Variants in CA10 observed in about 807,000 individuals in gnomAD.
CA10 encodes the protein carbonic anhydrase 10 (inactive), also known as carbonic anhydrase-related protein 10.
CA10 carries 14 observed loss-of-function variants against 44.2 expected under a neutral mutation model. The observed-to-expected ratio is 0.32, with a 90% CI of 0.21 to 0.50. The LOEUF (loss-of-function observed/expected upper bound fraction) is 0.50, where lower values mean the gene tolerates loss of function less well. Ranked by LOEUF, CA10 falls within the 20% of genes least tolerant of loss-of-function variation. The pLI, the probability that CA10 is intolerant of heterozygous loss-of-function variation, is 0.99. For missense variants in CA10, 350 were observed against 409.7 expected, an observed-to-expected ratio of 0.85 and a Z score of 1.26; for synonymous variants, 159 against 141.6, an observed-to-expected ratio of 1.12 and a Z score of -0.87.
intron 3 of CA10, among the ~76,000 whole-genome samples, chr17:51,829,659 T>C (rs1182446914): frequency 6.6e-6 from 1 of 152,172 alleles, no homozygotes. Context: ...TTCTTTAGCA[T>C]AGCAGCATTT....
At chr17:51,895,214 G>A (rs933357755) in intron 3 of CA10, among the ~76,000 whole-genome samples, 1 of 151,920 alleles carries the variant, frequency 6.6e-6, no homozygotes, top group African/African-American at 2.4e-5. Flanking sequence ...TGGTAGAAAT[G>A]GAATTAAAAG....
intron 3 of CA10, among the ~76,000 whole-genome samples, chr17:51,873,859 C>T (rs1380288700): frequency 2.0e-5 from 3 of 152,128 alleles, no homozygotes; most frequent in African/African-American, 7.2e-5. Context: ...CCTAAAATGA[C>T]CAAAAACGTG....
At chr17:51,706,559 C>A (rs1218768624) in intron 4 of CA10, among the ~76,000 whole-genome samples, 1 of 152,218 alleles carries the variant, frequency 6.6e-6, no homozygotes, top group African/African-American at 2.4e-5. Context: ...CCTGCCGGGG[C>A]CTTTGCCCCC....
chr17:51,689,904 C>A (rs952267984), intron 4 of CA10, among the ~76,000 whole-genome samples: 1 of 151,512 alleles, frequency 6.6e-6, no homozygotes, highest in Non-Finnish European at 1.5e-5. Context: ...ATATGCATTA[C>A]TTTGTATACT....
intron 1 of CA10, among the ~76,000 whole-genome samples, chr17:52,089,327 G>A (rs1039683171): frequency 3.3e-5 from 5 of 152,168 alleles, no homozygotes; most frequent in Non-Finnish European, 5.9e-5. Flanking sequence ...AGGGACCAAG[G>A]GTGGGCTGGC....
chr17:52,159,088 G>T (rs1453398812), upstream of CA10, among the ~76,000 whole-genome samples: 1 of 152,188 alleles, frequency 6.6e-6, no homozygotes, highest in African/African-American at 2.4e-5. Flanking sequence ...AAAGAACTTC[G>T]TGCTGCGGGT....
intron 4 of CA10, among the ~76,000 whole-genome samples, chr17:51,732,033 T>C (rs1387900597): frequency 6.6e-6 from 1 of 152,182 alleles, no homozygotes; most frequent in Non-Finnish European, 1.5e-5. Context: ...TCATTATTAT[T>C]ATTATTACCA....
rs1294257373 is a variant in CA10, at chr17:51,806,694, G to A, written c.280-58876C>T. Among the ~76,000 whole-genome samples the A allele has an allele frequency of 3.3e-5, 5 of 152,176 alleles. No homozygotes were observed. The South Asian group carries it at 6.2e-4, about 19-fold the overall frequency. On this transcript the variant is annotated intron_variant, in intron 3 of 8. Transcript: ENST00000451037. ...ATGTTTTGAATCCCCACAACAAGAA[G>A]CATAATTTAATGTACAAAATAGGCA...
At chr17:52,101,998 T>G (rs748109307) in intron 1 of CA10, among the ~76,000 whole-genome samples, 150 of 152,160 alleles carry the variant, frequency 9.9e-4, no homozygotes, top group Non-Finnish European at 1.9e-3. Flanking sequence ...AAGGATATTT[T>G]GGAGTGCATA....
intron 4 of CA10, among the ~76,000 whole-genome samples, chr17:51,744,941 T>C (rs1378948189): frequency 6.6e-6 from 1 of 152,188 alleles, no homozygotes; most frequent in Admixed American, 6.5e-5. Flanking sequence ...TATAGACCCC[T>C]GACATTGAGA....
At chr17:51,662,713 T>A (rs558865418) in intron 4 of CA10, among the ~76,000 whole-genome samples, 1 of 152,202 alleles carries the variant, frequency 6.6e-6, no homozygotes, top group Non-Finnish European at 1.5e-5. Flanking sequence ...GTCTGTCCGG[T>A]GATGAGATTT....
rs144706620 is a variant in CA10 at position 51,742,983 on chromosome 17, A to T, written c.465+4650T>A. On this transcript the variant is annotated intron_variant, in intron 4 of 8. Coordinates refer to ENST00000451037, the MANE Select transcript of CA10 (RefSeq NM_020178.5). ...ACATTATGTGGTATTATCAATATAC[A>T]TCCCTCAATAGACTTTACACATCTG... Among the ~76,000 whole-genome samples, 298 of 152,334 alleles carry T rather than the reference A, an allele frequency of 2.0e-3. 1 individual carries two copies. Among genetic ancestry groups the T allele is most frequent in the African/African-American group, 6.9e-3 (285 of 41,584 alleles).
chr17:51,823,653 T>C (rs575566467), intron 3 of CA10, among the ~76,000 whole-genome samples: 20 of 152,294 alleles, frequency 1.3e-4, no homozygotes, highest in African/African-American at 4.6e-4. Context: ...CAGTGGATGA[T>C]GACAACTCTT....
Position 51,717,312 on chromosome 17 carries a change from G to A in CA10, c.465+30321C>T, listed in dbSNP as rs146444589. 2.1e-3 allele frequency among the ~76,000 whole-genome samples: 318 copies of A among 152,006 alleles called. 1 individual carries two copies. Among genetic ancestry groups the A allele is most frequent in the African/African-American group, 7.3e-3 (304 of 41,434 alleles). On this transcript the variant is annotated intron_variant, in intron 4 of 8. Coordinates refer to ENST00000451037, the MANE Select transcript of CA10 (RefSeq NM_020178.5). Reference sequence around the variant, plus strand: ...TTTTGTTCTAATGAGATGACTCTTGGTGGGCACCTGGCTAGCCCAACATTG... The same window carrying A: ...TTTTGTTCTAATGAGATGACTCTTGATGGGCACCTGGCTAGCCCAACATTG...
chr17:52,091,702 G>A (rs901127187), intron 1 of CA10, among the ~76,000 whole-genome samples: 2 of 152,188 alleles, frequency 1.3e-5, no homozygotes, highest in African/African-American at 4.8e-5. Flanking sequence ...TTGATTTGCA[G>A]TTGTACAAGA....
At chr17:51,709,502 C>T (rs1032424217) in intron 4 of CA10, among the ~76,000 whole-genome samples, 2 of 152,166 alleles carry the variant, frequency 1.3e-5, no homozygotes, top group African/African-American at 4.8e-5. Flanking sequence ...CTTTGAAGTG[C>T]ATTCATATCA....
At chr17:52,139,190 A>C (rs952095632) in intron 1 of CA10, among the ~76,000 whole-genome samples, 3 of 152,206 alleles carry the variant, frequency 2.0e-5, no homozygotes, top group African/African-American at 7.2e-5. Flanking sequence ...ATTCAGATAG[A>C]ATTCTGTTTG....
intron 3 of CA10, among the ~76,000 whole-genome samples, chr17:51,870,010 C>T (rs1979729884): frequency 6.6e-6 from 1 of 152,208 alleles, no homozygotes; most frequent in Non-Finnish European, 1.5e-5. Context: ...AGCCAATCCT[C>T]AGACCTTCCT....
At chr17:51,972,117 G>A (rs1352587231) in intron 2 of CA10, among the ~76,000 whole-genome samples, 1 of 152,008 alleles carries the variant, frequency 6.6e-6, no homozygotes, top group African/African-American at 2.4e-5. Context: ...AATGTGATAT[G>A]TGAGTTATAT....
Sources: gnomAD v4.1 joint callset for allele counts (sites outside exome capture counted in the v4.1 genomes callset) on GRCh38, gnomAD v4.1.1 for gene constraint, MANE v1.5 for transcripts, NCBI Gene and HGNC (gene_info 2026-07-23, HGNC 2026-07-21) for gene names.